KLHL12: variants seen among roughly 807,000 people sequenced by gnomAD.
The protein encoded by KLHL12 is kelch like family member 12.
A neutral mutation model predicts 60.8 loss-of-function variants in KLHL12; 17 were observed. The ratio of observed to expected loss-of-function variants is 0.28; its 90% CI spans 0.19 to 0.42. The LOEUF (loss-of-function observed/expected upper bound fraction) is 0.42. KLHL12 is among the 10% of genes least tolerant of loss of function. KLHL12 has a pLI of 1.00. For missense variants in KLHL12, 468 were observed against 722.3 expected (o/e 0.65, Z 4.04); for synonymous variants, 220 against 250.9 (o/e 0.88, Z 1.16).
intron 6 of KLHL12, among the ~76,000 whole-genome samples, chr1:202,902,379 G>A (rs1168328983): frequency 6.7e-6 from 1 of 149,916 alleles, no homozygotes; most frequent in Non-Finnish European, 1.5e-5. Flanking sequence ...GCAGTGAGCC[G>A]AGATCACACC....
chr1:202,901,502 A>G (rs1371805431), intron 6 of KLHL12, among the ~76,000 whole-genome samples: 1 of 148,428 alleles, frequency 6.7e-6, no homozygotes, highest in Non-Finnish European at 1.5e-5. Context: ...AGGTCTCACT[A>G]TGTTGCTCAG....
intron 6 of KLHL12, among the ~76,000 whole-genome samples, chr1:202,907,794 G>C: frequency 6.6e-6 from 1 of 151,752 alleles, no homozygotes; most frequent in East Asian, 1.9e-4. Context: ...TGCGGTCCCA[G>C]CTACTTGGGA....
chr1:202,917,640 A>G (rs886197953), intron 4 of KLHL12, among the ~76,000 whole-genome samples: 7 of 151,248 alleles, frequency 4.6e-5, no homozygotes, highest in African/African-American at 1.7e-4. Context: ...TTTCTGATCC[A>G]CTCCTGAGCA....
rs898784716 is a variant in KLHL12, at chr1:202,924,567, G to A, written c.195+401C>T. 5.3e-5 allele frequency among the ~76,000 whole-genome samples: 8 copies of A among 152,148 alleles called. 1 individual carries two copies. In the South Asian group the frequency reaches 6.2e-4, roughly 12 times the overall value. On this transcript the variant is annotated intron_variant, in intron 2 of 11. Coordinates refer to ENST00000367261, the MANE Select transcript of KLHL12 (RefSeq NM_021633.4). ...TTGAGCCCAGGAGTTCAAGACCAGC[G>A]TGGGCAACATAGTGAGACCCTGTCT...
At chr1:202,923,369 T>A (rs1449826376) in intron 2 of KLHL12, among the ~76,000 whole-genome samples, 6 of 152,224 alleles carry the variant, frequency 3.9e-5, no homozygotes, top group Non-Finnish European at 7.3e-5. Flanking sequence ...GTATATCTCA[T>A]GGAGAACAGT....
intron 4 of KLHL12, among the ~76,000 whole-genome samples, chr1:202,917,080 C>T (rs1223169542): frequency 6.6e-6 from 1 of 152,198 alleles, no homozygotes; most frequent in African/African-American, 2.4e-5. Context: ...CTCAGCCTAA[C>T]TACAAACCTA....
At chr1:202,896,466 T>C (rs1423406089) in intron 7 of KLHL12, among the ~76,000 whole-genome samples, 2 of 152,126 alleles carry the variant, frequency 1.3e-5, no homozygotes, top group Non-Finnish European at 2.9e-5. Flanking sequence ...GCTGGGATTA[T>C]AGGTGTGAGC....
intron 7 of KLHL12, among the ~76,000 whole-genome samples, chr1:202,896,151 G>T (rs750254391): frequency 6.6e-6 from 1 of 152,068 alleles, no homozygotes; most frequent in Non-Finnish European, 1.5e-5. Flanking sequence ...AATTACTATT[G>T]TTCATTCAGC....
intron 2 of KLHL12, 61 bp downstream of exon 2, chr1:202,924,907 G>C: frequency 6.4e-7 from 1 of 1,555,912 alleles, no homozygotes; most frequent in Non-Finnish European, 8.7e-7. Flanking sequence ...ATTTTATTCA[G>C]TGAAATTAGA....
chr1:202,906,814 A>T (rs1212577785), intron 6 of KLHL12, among the ~76,000 whole-genome samples: 3 of 152,036 alleles, frequency 2.0e-5, no homozygotes, highest in Non-Finnish European at 4.4e-5. Context: ...GGTGTGCACC[A>T]CCACACTCAG....
chr1:202,902,116 C>G (rs1005902160), intron 6 of KLHL12, among the ~76,000 whole-genome samples: 1 of 152,136 alleles, frequency 6.6e-6, no homozygotes, highest in Non-Finnish European at 1.5e-5. Context: ...TTCCTTCCAG[C>G]CTTGTTTCTG....
intron 2 of KLHL12, among the ~76,000 whole-genome samples, chr1:202,923,233 C>A (rs1182776278): frequency 6.6e-6 from 1 of 152,156 alleles, no homozygotes; most frequent in Non-Finnish European, 1.5e-5. Context: ...TATTTTCAAG[C>A]TGACAAAAAA....
At chr1:202,910,941 G>C in intron 5 of KLHL12, 113 bp downstream of exon 5, 1 of 1,224,516 alleles carries the variant, frequency 8.2e-7, no homozygotes, top group Admixed American at 2.0e-5. Flanking sequence ...GGCATTCCTA[G>C]AGAGGCAAAA....
chr1:202,926,474 C>T (rs577536834), intron 1 of KLHL12, among the ~76,000 whole-genome samples: 2 of 152,188 alleles, frequency 1.3e-5, no homozygotes, highest in Non-Finnish European at 2.9e-5. Flanking sequence ...ACCCATTTTA[C>T]AGAAAAGCGG....
chr1:202,915,073 C>T (rs1660484006), intron 4 of KLHL12: 1 of 152,096 alleles, frequency 6.6e-6, no homozygotes, highest in Non-Finnish European at 1.5e-5. Context: ...TAATGCCTCA[C>T]TACAGAGAAA....
In KLHL12 at chr1:202,918,180, G is replaced by A. The variant is rs577294545; in HGVS notation, c.558C>T (p.Asp186=). 7 of 1,612,142 alleles carry A rather than the reference G, an allele frequency of 4.3e-6. No individual in the cohort carries two copies. The South Asian group carries it at 4.4e-5, about 10-fold the overall frequency. Residue 186 remains aspartate, a synonymous_variant, in exon 4 of 12, where the codon GAC becomes GAT. Transcript: ENST00000367261. The part of the protein sequence containing the change: ...QGEVEKLIKC[D]EIQVDSEEPV... ...CAAGACAAATCCGTACCTGAATTTC[G>A]TCGCACTTGATTAGCTTTTCCACCT...
At chr1:202,911,304 C>T in intron 4 of KLHL12, 101 bp from the exon 5 acceptor site, 2 of 1,302,174 alleles carry the variant, frequency 1.5e-6, no homozygotes, top group East Asian at 2.3e-5. Flanking sequence ...TTCCCATTGC[C>T]CACCACCATT....
intron 5 of KLHL12, 120 bp downstream of exon 5, chr1:202,910,933 CA>C: frequency 9.1e-7 from 1 of 1,104,634 alleles, no homozygotes; most frequent in Non-Finnish European, 1.3e-6. Flanking sequence ...CTCTCACTGG[CA>C]TTCCTAGAGA....
intron 1 of KLHL12, among the ~76,000 whole-genome samples, chr1:202,926,187 A>G (rs1653545681): frequency 6.6e-6 from 1 of 152,026 alleles, no homozygotes; most frequent in Non-Finnish European, 1.5e-5. Context: ...TTATCGATGG[A>G]CTTACACTTG....
Sources: gnomAD v4.1 joint callset for allele counts (sites outside exome capture counted in the v4.1 genomes callset) on GRCh38, gnomAD v4.1.1 for gene constraint, MANE v1.5 for transcripts, NCBI Gene and HGNC (gene_info 2026-07-23, HGNC 2026-07-21) for gene names.